Variants in GSTO2 observed in about 807,000 individuals in gnomAD.
GSTO2 encodes the protein glutathione S-transferase omega-2.
A neutral mutation model predicts 28.4 loss-of-function variants in GSTO2; 23 were observed. The observed-to-expected ratio is 0.81, with a 90% CI of 0.58 to 1.15. GSTO2 has a LOEUF of 1.15. Among genes scored for constraint, GSTO2 ranks in the 50% most tolerant of loss-of-function variants. The pLI is 0.00. For missense variants in GSTO2, 298 were observed against 297.8 expected, an observed-to-expected ratio of 1.00 and a Z score of 0.00; for synonymous variants, 109 against 111.0, an observed-to-expected ratio of 0.98 and a Z score of 0.11.
intron 1 of GSTO2, among the ~76,000 whole-genome samples, chr10:104,269,850 C>A (rs2011301015): frequency 6.6e-6 from 1 of 152,176 alleles, no homozygotes; most frequent in East Asian, 1.9e-4. Context: ...CATATAAGAA[C>A]ACCCGAAAGT....
rs2012749717 is a variant in GSTO2, at chr10:104,291,232, GA to G, written c.469-6341del. 3.3e-5 allele frequency: 5 copies of G among 152,278 alleles called. No homozygotes were observed. In the South Asian group the frequency reaches 1.0e-3, roughly 32 times the overall value. The allele number at this position is 152,278 out of a possible 1,614,324, so 9.4% of individuals were successfully genotyped here. On this transcript the variant is annotated intron_variant, in intron 5 of 6. Transcript: ENST00000338595. ...GCATTTTCAGAACGATTTTCATGAG[GA>G]AAAACTTTCTTCCTCCTCCAGCAAG...
At chr10:104,269,298 G>C (rs2011267106) in intron 1 of GSTO2, 29 bp downstream of exon 1, 1 of 152,268 alleles carries the variant, frequency 6.6e-6, no homozygotes, top group Admixed American at 6.5e-5. Context: ...CGTTGTATTG[G>C]AAGGGAAGAG....
At chr10:104,288,709 G>A (rs1006672708) in intron 5 of GSTO2, among the ~76,000 whole-genome samples, 9 of 152,084 alleles carry the variant, frequency 5.9e-5, no homozygotes, top group African/African-American at 2.2e-4. Flanking sequence ...TCAGTTCAGG[G>A]GCTTTGCCTA....
At chr10:104,283,698 T>G (rs1196990659) in intron 5 of GSTO2, among the ~76,000 whole-genome samples, 2 of 152,226 alleles carry the variant, frequency 1.3e-5, no homozygotes, top group Non-Finnish European at 2.9e-5. Flanking sequence ...CCAATGTACT[T>G]GAATTATGCG....
At chr10:104,298,096 A>G (rs1185995255) in intron 6 of GSTO2, among the ~76,000 whole-genome samples, 2 of 152,242 alleles carry the variant, frequency 1.3e-5, no homozygotes, top group African/African-American at 4.8e-5. Context: ...TCCCCCAGAT[A>G]GGAATAACCT....
chr10:104,271,316 T>A (rs771742145), intron 1 of GSTO2, among the ~76,000 whole-genome samples: 5 of 152,242 alleles, frequency 3.3e-5, no homozygotes, highest in Non-Finnish European at 5.9e-5. Context: ...CAAAGCCGAA[T>A]CACAGTGTGC....
At position 104,304,391 on chromosome 10, in the gene GSTO2, C is replaced by G. The variant is rs1460706115; in HGVS notation, c.*5107C>G. The stretch of plus-strand genomic sequence containing the variant: ...AACCAGTCTTTTCTCTTGCAAAGTT[C>G]AGATCAAAATTCTTCTTTATGTAAA... On this transcript the variant is annotated 3_prime_UTR_variant, in exon 7 of 7. Coordinates refer to ENST00000338595, the MANE Select transcript of GSTO2 (RefSeq NM_183239.2). The G allele has an allele frequency of 6.6e-6, 1 of 152,086 alleles. No individual in the cohort carries two copies. The highest frequency in any genetic ancestry group is 2.4e-5 in the African/African-American group (1 of 41,420). 9.4% of individuals were successfully genotyped at this position (152,086 alleles called of 1,614,324 possible).
intron 1 of GSTO2, among the ~76,000 whole-genome samples, chr10:104,270,890 T>C (rs747391460): frequency 1.9e-4 from 29 of 152,254 alleles, no homozygotes; most frequent in Non-Finnish European, 3.5e-4. Context: ...TTGGTGGCAT[T>C]ATTTTCCTAG....
intron 5 of GSTO2, among the ~76,000 whole-genome samples, chr10:104,291,033 A>G (rs1283644920): frequency 6.6e-6 from 1 of 152,184 alleles, no homozygotes; most frequent in Non-Finnish European, 1.5e-5. Flanking sequence ...GTGCCCACGA[A>G]AAATAAAATT....
chr10:104,291,768 G>A (rs2135134308), intron 5 of GSTO2: 1 of 152,366 alleles, frequency 6.6e-6, no homozygotes, highest in African/African-American at 2.4e-5. Context: ...CGCGTCCGTA[G>A]TCTTATTTTT....
chr10:104,293,835 G>T (rs1423960072), intron 5 of GSTO2, among the ~76,000 whole-genome samples: 1 of 152,060 alleles, frequency 6.6e-6, no homozygotes, highest in Non-Finnish European at 1.5e-5. Context: ...TTTCATTAGA[G>T]TCTAAAAATA....
chr10:104,289,270 A>G (rs1217405868), intron 5 of GSTO2, among the ~76,000 whole-genome samples: 1 of 151,916 alleles, frequency 6.6e-6, no homozygotes, highest in Non-Finnish European at 1.5e-5. Context: ...AATTTTGTGT[A>G]TTTTTTGTAG....
At chr10:104,270,801 A>T (rs966921551) in intron 1 of GSTO2, among the ~76,000 whole-genome samples, 1 of 152,248 alleles carries the variant, frequency 6.6e-6, no homozygotes, top group African/African-American at 2.4e-5. Flanking sequence ...GTGACAAAAA[A>T]TTTTGAAAAG....
intron 5 of GSTO2, among the ~76,000 whole-genome samples, chr10:104,287,692 A>T (rs1316173527): frequency 6.6e-6 from 1 of 152,066 alleles, no homozygotes; most frequent in Non-Finnish European, 1.5e-5. Context: ...AGAGAGAAAC[A>T]CATCCACCTC....
rs781461028 is a variant in GSTO2, at chr10:104,274,877, A to G, written c.-39A>G. 2 of 1,597,988 alleles carry G rather than the reference A, an allele frequency of 1.3e-6. No homozygotes were observed. The highest frequency in any genetic ancestry group is 2.3e-5 in the South Asian group (2 of 88,472). ...AGCGGTGGCGAGCCACAGGGCGGCG[A>G]CCGTGAGCTCCGGGAGCTGCGCAAA... On this transcript the variant is annotated 5_prime_UTR_variant, in exon 2 of 7. Coordinates refer to ENST00000338595, the MANE Select transcript of GSTO2 (RefSeq NM_183239.2).
Position 104,302,133 on chromosome 10 carries a change from T to C in GSTO2, c.*2849T>C, listed in dbSNP as rs181220030. On this transcript the variant is annotated 3_prime_UTR_variant, in exon 7 of 7. Coordinates refer to ENST00000338595, the MANE Select transcript of GSTO2 (RefSeq NM_183239.2). ...ACAGAGCCAAAGAGGGAAAAACTCC[T>C]TATAAAACCATTAGATCTCATGAGA... 1.3e-5 allele frequency: 2 copies of C among 152,318 alleles called. No individual in the cohort carries two copies. The highest frequency in any genetic ancestry group is 4.1e-4 in the South Asian group (2 of 4,824). The allele number at this position is 152,318 out of a possible 1,614,324, so 9.4% of individuals were successfully genotyped here. A position where few individuals can be genotyped will look rare whatever the true frequency, so the allele number is the denominator to read the frequency against.
At position 104,275,221 on chromosome 10, in the gene GSTO2, T is replaced by A; in HGVS notation, c.35-5T>A. ...TCCCTGTCCCCCTCCATCGCTGCTC[T>A]GCAGGAAGCCAGCCCCCAGGGCCAG... On this transcript the variant is annotated splice_region_variant and splice_polypyrimidine_tract_variant and intron_variant, in intron 2 of 6. Transcript: ENST00000338595. 6.2e-7 allele frequency: 1 copy of A among 1,611,818 alleles called. No homozygotes were observed. Among genetic ancestry groups the A allele is most frequent in the Non-Finnish European group, 8.5e-7 (1 of 1,178,766 alleles).
intron 1 of GSTO2, among the ~76,000 whole-genome samples, chr10:104,272,575 A>G (rs1311440081): frequency 7.9e-6 from 1 of 126,380 alleles, no homozygotes; most frequent in Non-Finnish European, 1.6e-5. Context: ...TCAAAATAGA[A>G]CAGTTATGGG....
rs978587076 is a variant in GSTO2 at position 104,269,285 on chromosome 10, C to T, written c.-232+16C>T. 1 of 152,228 alleles carries T rather than the reference C, an allele frequency of 6.6e-6. No homozygotes were observed. Among genetic ancestry groups the T allele is most frequent in the Non-Finnish European group, 1.5e-5 (1 of 68,092 alleles). 9.4% of individuals were successfully genotyped at this position (152,228 alleles called of 1,614,324 possible). On this transcript the variant is annotated intron_variant, in intron 1 of 6. Coordinates refer to ENST00000338595, the MANE Select transcript of GSTO2 (RefSeq NM_183239.2). ...ACCGCCACCGGTGGGTCCGTTCGGC[C>T]TGCGTTGTATTGGAAGGGAAGAGGG...
Sources: gnomAD v4.1 joint callset for allele counts (sites outside exome capture counted in the v4.1 genomes callset) on GRCh38, gnomAD v4.1.1 for gene constraint, MANE v1.5 for transcripts, NCBI Gene and HGNC (gene_info 2026-07-23, HGNC 2026-07-21) for gene names.